CTNNA3: variants seen among roughly 807,000 people sequenced by gnomAD.
CTNNA3 encodes the protein catenin alpha 3, also known as catenin alpha-3.
Under a neutral mutation model 95.7 loss-of-function variants are expected in CTNNA3, and 76 were observed. The ratio of observed to expected loss-of-function variants is 0.79; its 90% CI spans 0.66 to 0.96. The LOEUF is 0.96. CTNNA3 is among the 40% of genes least tolerant of loss of function. CTNNA3 has a pLI of 0.00. For synonymous variants in CTNNA3, 431 were observed against 374.4 expected (o/e 1.15, Z -1.74); for missense variants, 1,191 against 1,089.8 (o/e 1.09, Z -1.31).
chr10:67,468,724 A>G (rs1343272264), intron 5 of CTNNA3, among the ~76,000 whole-genome samples: 1 of 152,192 alleles, frequency 6.6e-6, no homozygotes, highest in Non-Finnish European at 1.5e-5. Context: ...ATGATACAGA[A>G]GTCACACAAT....
At chr10:66,300,034 A>C (rs1290125818) in intron 12 of CTNNA3, among the ~76,000 whole-genome samples, 1 of 152,034 alleles carries the variant, frequency 6.6e-6, no homozygotes, top group Non-Finnish European at 1.5e-5. Flanking sequence ...CTGGGACTAC[A>C]GGTGCCTGCC....
At chr10:66,136,887 T>A (rs2133865987) in intron 13 of CTNNA3, among the ~76,000 whole-genome samples, 1 of 152,248 alleles carries the variant, frequency 6.6e-6, no homozygotes, top group Non-Finnish European at 1.5e-5. Flanking sequence ...AGTGGCATGA[T>A]CTCAGCTCAC....
At chr10:67,757,300 G>A (rs1223220659) in intron 1 of CTNNA3, among the ~76,000 whole-genome samples, 2 of 152,192 alleles carry the variant, frequency 1.3e-5, no homozygotes, top group Non-Finnish European at 2.9e-5. Context: ...AGGTCAACGT[G>A]GTGGTTAATT....
At chr10:66,115,577 GATGATAGAT>G (rs1041272953) in intron 13 of CTNNA3, among the ~76,000 whole-genome samples, 151 of 138,892 alleles carry the variant, frequency 1.1e-3, no homozygotes, top group South Asian at 4.8e-3. Context: ...TAGACAGATA[GATGATAGAT>G]AGATAGAGAT....
At chr10:66,884,178 C>A (rs1238644093) in intron 7 of CTNNA3, among the ~76,000 whole-genome samples, 2 of 152,010 alleles carry the variant, frequency 1.3e-5, no homozygotes, top group African/African-American at 4.8e-5. Context: ...CCTCCATGAT[C>A]CAAATACTTC....
rs116740249 is a variant in CTNNA3, at chr10:66,246,033, G to T, written c.1884+34437C>A. Among the ~76,000 whole-genome samples, 769 of 152,306 alleles carry T rather than the reference G, an allele frequency of 5.0e-3. 5 individuals carry two copies. The highest frequency in any genetic ancestry group is 0.017 in the African/African-American group (720 of 41,576). Reference sequence around the variant, plus strand: ...TCTAGTCTGTGGGACTGGCAGCCCAGGCCCCAGCTTTCAGGCCCTCTATGG... The same window carrying T: ...TCTAGTCTGTGGGACTGGCAGCCCATGCCCCAGCTTTCAGGCCCTCTATGG... On this transcript the variant is annotated intron_variant, in intron 13 of 17. Coordinates refer to ENST00000433211, the MANE Select transcript of CTNNA3 (RefSeq NM_013266.4).
chr10:66,461,056 G>C (rs1216560673), intron 11 of CTNNA3, among the ~76,000 whole-genome samples: 1 of 152,160 alleles, frequency 6.6e-6, no homozygotes, highest in Non-Finnish European at 1.5e-5. Flanking sequence ...AATGAAGACA[G>C]AGAAGTTGTA....
At chr10:66,148,085 A>G (rs546743485) in intron 13 of CTNNA3, among the ~76,000 whole-genome samples, 1 of 151,946 alleles carries the variant, frequency 6.6e-6, no homozygotes, top group South Asian at 2.1e-4. Context: ...TTATTGCTCA[A>G]ATATTTTCCT....
chr10:67,216,227 C>A (rs1393808932), intron 6 of CTNNA3, among the ~76,000 whole-genome samples: 1 of 152,086 alleles, frequency 6.6e-6, no homozygotes, highest in Non-Finnish European at 1.5e-5. Flanking sequence ...GACAGAGTAT[C>A]TTGGAAGTAA....
intron 8 of CTNNA3, among the ~76,000 whole-genome samples, chr10:66,768,835 G>A (rs1240241488): frequency 6.6e-6 from 1 of 151,872 alleles, no homozygotes; most frequent in African/African-American, 2.4e-5. Flanking sequence ...TTAAAAAAAA[G>A]GAATGAGACT....
At chr10:66,987,769 T>C (rs966907948) in intron 7 of CTNNA3, among the ~76,000 whole-genome samples, 2 of 152,250 alleles carry the variant, frequency 1.3e-5, no homozygotes, top group African/African-American at 4.8e-5. Context: ...TCTGTGAATT[T>C]AGCTCATGAT....
At chr10:66,486,406 C>T (rs1839727219) in intron 11 of CTNNA3, among the ~76,000 whole-genome samples, 1 of 152,112 alleles carries the variant, frequency 6.6e-6, no homozygotes, top group African/African-American at 2.4e-5. Context: ...ATGGGCATTT[C>T]TCAAAAGAAG....
chr10:67,543,997 G>A (rs934337421), intron 3 of CTNNA3, among the ~76,000 whole-genome samples: 1 of 152,112 alleles, frequency 6.6e-6, no homozygotes, highest in African/African-American at 2.4e-5. Context: ...TGACTACTAG[G>A]AGCAAACATG....
chr10:67,291,951 A>G (rs1479433501), intron 5 of CTNNA3, among the ~76,000 whole-genome samples: 1 of 152,192 alleles, frequency 6.6e-6, no homozygotes, highest in East Asian at 1.9e-4. Flanking sequence ...GAAATTGTCC[A>G]TTTATATGCT....
At chr10:67,015,276 G>T (rs1190619093) in intron 7 of CTNNA3, 2 of 152,066 alleles carry the variant, frequency 1.3e-5, no homozygotes, top group Non-Finnish European at 2.9e-5. Flanking sequence ...TCCATAGATA[G>T]ATTTGATGCT....
At chr10:66,855,655 A>G (rs193031660) in intron 7 of CTNNA3, among the ~76,000 whole-genome samples, 7 of 152,156 alleles carry the variant, frequency 4.6e-5, no homozygotes, top group Admixed American at 1.3e-4. Flanking sequence ...TCAAAGTGAC[A>G]AGATGAAAAA....
At chr10:66,777,762 TAC>T (rs372712619) in intron 7 of CTNNA3, among the ~76,000 whole-genome samples, 28,744 of 136,632 alleles carry the variant, frequency 0.21, 3,180 homozygotes, top group East Asian at 0.44. Flanking sequence ...AGAGACCTCC[TAC>T]ACACACACAC....
chr10:66,309,563 A>G (rs1346623578), intron 12 of CTNNA3, among the ~76,000 whole-genome samples: 4 of 151,570 alleles, frequency 2.6e-5, no homozygotes, highest in South Asian at 2.1e-4. Flanking sequence ...GGTGGCGGGC[A>G]CCTGTAGTCC....
At chr10:67,007,177 T>C (rs2133018504) in intron 7 of CTNNA3, among the ~76,000 whole-genome samples, 1 of 152,330 alleles carries the variant, frequency 6.6e-6, no homozygotes, top group South Asian at 2.1e-4. Context: ...CTGTGACTCC[T>C]AAACCAGATT....
Sources: allele counts gnomAD v4.1 joint callset (sites outside exome capture counted in the v4.1 genomes callset), GRCh38; gene constraint gnomAD v4.1.1; transcripts MANE v1.5; gene names NCBI Gene and HGNC (gene_info 2026-07-23, HGNC 2026-07-21).